Variants in NBEAL1 observed in about 807,000 individuals in gnomAD.
The protein encoded by NBEAL1 is neurobeachin like 1.
A neutral mutation model predicts 351.3 loss-of-function variants in NBEAL1; 273 were observed. The observed-to-expected ratio is 0.78, with a 90% CI of 0.70 to 0.86. NBEAL1 has a LOEUF of 0.86. Ranked by LOEUF, NBEAL1 falls within the 40% of genes least tolerant of loss-of-function variation. The pLI is 0.00. For synonymous variants in NBEAL1, 1,050 were observed against 1,086.4 expected, an observed-to-expected ratio of 0.97 and a Z score of 0.66; for missense variants, 2,961 against 3,201.3, an observed-to-expected ratio of 0.92 and a Z score of 1.81.
Position 203,107,807 on chromosome 2 carries a change from T to C in NBEAL1, c.1568T>C (p.Ile523Thr), listed in dbSNP as rs1048255941. 7 of 1,554,444 alleles carry C rather than the reference T, an allele frequency of 4.5e-6. No homozygotes were observed. Among genetic ancestry groups the C allele is most frequent in the Admixed American group, 3.9e-5 (2 of 51,016 alleles). ...CVNANMGIRI[I>T]ETLDLHSSLH... The stretch of plus-strand genomic sequence containing the variant: ...AATGCAAACATGGGGATTAGAATCA[T>C]TGAAACCCTTGACTTGCATTCTTCC... Residue 523 changes from isoleucine to threonine, a missense_variant, in exon 14 of 56, where the codon ATT becomes ACT. Physicochemically the swap from Ile to Thr is moderately conservative, Grantham distance 89 (BLOSUM62 -1). Transcript: ENST00000683969.
At chr2:203,154,904 C>T (rs2063757179) in intron 35 of NBEAL1, among the ~76,000 whole-genome samples, 1 of 137,644 alleles carries the variant, frequency 7.3e-6, no homozygotes, top group Admixed American at 8.0e-5. Flanking sequence ...CACTGCACTC[C>T]AGCCTGGGCA....
intron 36 of NBEAL1, among the ~76,000 whole-genome samples, chr2:203,165,505 A>G (rs1334276137): frequency 1.3e-5 from 2 of 152,214 alleles, no homozygotes; most frequent in East Asian, 3.8e-4. Flanking sequence ...CTCCCAGAAT[A>G]TAACTAAAAT....
chr2:203,110,314 AGT>A (rs1387474897), intron 15 of NBEAL1, 32 bp downstream of exon 15: 1 of 1,533,280 alleles, frequency 6.5e-7, no homozygotes, highest in Admixed American at 2.2e-5. Context: ...TTTAACTTCT[AGT>A]ATGGTTAATG....
chr2:203,155,247 C>CAA (rs71226711), intron 35 of NBEAL1, among the ~76,000 whole-genome samples: 37,101 of 137,850 alleles, frequency 0.27, 5,382 homozygotes, highest in East Asian at 0.52. Flanking sequence ...AACCCTCTCT[C>CAA]AAAAAAAAAA....
intron 27 of NBEAL1, among the ~76,000 whole-genome samples, chr2:203,134,551 G>A (rs2063153820): frequency 6.6e-6 from 1 of 152,156 alleles, no homozygotes; most frequent in Non-Finnish European, 1.5e-5. Context: ...AATTGTCAGA[G>A]CTAAAACTTC....
At chr2:203,100,909 C>G (rs1290496879) in intron 12 of NBEAL1, among the ~76,000 whole-genome samples, 1 of 152,018 alleles carries the variant, frequency 6.6e-6, no homozygotes, top group East Asian at 1.9e-4. Flanking sequence ...GGGTTATTTG[C>G]TTTTACTTGT....
chr2:203,176,741 A>AAG (rs981838776), intron 42 of NBEAL1, among the ~76,000 whole-genome samples: 1 of 151,938 alleles, frequency 6.6e-6, no homozygotes, highest in African/African-American at 2.4e-5. Flanking sequence ...AAAAAAAAAA[A>AAG]AAATGCAATA....
In NBEAL1 at chr2:203,111,999, C is replaced by T. The variant is rs915071514; in HGVS notation, c.2103C>T (p.His701=). The change falls in exon 16 of 56, where the codon CAC becomes CAT. Residue 701 remains histidine (H), a synonymous_variant. Coordinates refer to ENST00000683969, the MANE Select transcript of NBEAL1 (RefSeq NM_001378026.1). ...ACCAGCACAACATAACTGTTGTCCA[C>T]ATGCCTGGAAAAAGGCCTTTTGGTC... The part of the protein sequence containing the change: ...DSLWHNITVV[H]MPGKRPFGQS... 29 of 1,551,362 alleles carry T rather than the reference C, an allele frequency of 1.9e-5. No homozygotes were observed. In the Admixed American group the frequency reaches 4.5e-4, roughly 24 times the overall value.
At position 203,132,011 on chromosome 2, in the gene NBEAL1, G is replaced by A. The variant is rs150511473; in HGVS notation, c.3603G>A (p.Glu1201=). 905 of 1,552,540 alleles carry A rather than the reference G, an allele frequency of 5.8e-4. 6 individuals carry two copies. In the African/African-American group the frequency reaches 0.011, roughly 19 times the overall value. Residue 1201 remains glutamate (E), a synonymous_variant, in exon 26 of 56, where the codon GAG becomes GAA. Transcript: ENST00000683969. Reference sequence around the variant, plus strand: ...TGTTGAAATGCACGAACGTTTATGAGCGTAGTAAACAACATATTCGACTCA... The same window carrying A: ...TGTTGAAATGCACGAACGTTTATGAACGTAGTAAACAACATATTCGACTCA... ...EQMLKCTNVY[E]RSKQHIRLRE...
chr2:203,031,009 C>T (rs543820985), intron 2 of NBEAL1, among the ~76,000 whole-genome samples: 141 of 152,264 alleles, frequency 9.3e-4, no homozygotes, highest in Non-Finnish European at 1.8e-3. Context: ...CTATATATCA[C>T]GGAATCTGAA....
At chr2:203,117,247 G>A (rs1235302089) in intron 18 of NBEAL1, among the ~76,000 whole-genome samples, 1 of 152,134 alleles carries the variant, frequency 6.6e-6, no homozygotes, top group African/African-American at 2.4e-5. Context: ...GGCGGATCAC[G>A]AGGTTAGGAG....
rs1434019425 is a variant in NBEAL1 at position 203,057,640 on chromosome 2, A to G, written c.515+187A>G. On this transcript the variant is annotated intron_variant, in intron 6 of 55. Transcript: ENST00000683969. Reference sequence around the variant, plus strand: ...ATAAATTCTGCTTCTGAATAATTACATATGCCCTGAACTTGTATTTTGCAA... The same window carrying G: ...ATAAATTCTGCTTCTGAATAATTACGTATGCCCTGAACTTGTATTTTGCAA... Among the ~76,000 whole-genome samples, 5 of 152,226 alleles carry G rather than the reference A, an allele frequency of 3.3e-5. No individual in the cohort carries two copies. In the South Asian group the frequency reaches 8.3e-4, roughly 25 times the overall value.
At chr2:203,191,851 T>C (rs1031696782) in intron 46 of NBEAL1, among the ~76,000 whole-genome samples, 1 of 152,216 alleles carries the variant, frequency 6.6e-6, no homozygotes, top group African/African-American at 2.4e-5. Flanking sequence ...AACATGTTCT[T>C]ATGGGCCTTT....
chr2:203,108,291 A>G, intron 14 of NBEAL1, 103 bp downstream of exon 14: 1 of 856,156 alleles, frequency 1.2e-6, no homozygotes, highest in Non-Finnish European at 1.8e-6. Flanking sequence ...TTTTAGATAT[A>G]CAGCTTATCT....
intron 34 of NBEAL1, among the ~76,000 whole-genome samples, chr2:203,150,726 C>T (rs148235925): frequency 4.4e-4 from 67 of 152,142 alleles, no homozygotes; most frequent in African/African-American, 1.3e-3. Flanking sequence ...CTTTGATTCA[C>T]TTGCAATTAT....
chr2:203,038,096 A>G (rs1237097233), intron 2 of NBEAL1, among the ~76,000 whole-genome samples: 1 of 149,326 alleles, frequency 6.7e-6, no homozygotes, highest in Non-Finnish European at 1.5e-5. Context: ...TATTCCTGGA[A>G]TAGTATTCCA....
At chr2:203,047,741 ATTT>A (rs199901981) in intron 3 of NBEAL1, among the ~76,000 whole-genome samples, 54,767 of 129,516 alleles carry the variant, frequency 0.42, 12,277 homozygotes, top group Middle Eastern at 0.61. Flanking sequence ...ATTTCTTTCT[ATTT>A]TTTTTTTTTT....
chr2:203,145,869 G>A (rs1160431460), intron 33 of NBEAL1, among the ~76,000 whole-genome samples: 1 of 150,474 alleles, frequency 6.6e-6, no homozygotes, highest in Non-Finnish European at 1.5e-5. Context: ...GCAAAAGTAA[G>A]GAATGAGTAA....
Position 203,202,692 on chromosome 2 carries a change from G to T in NBEAL1, c.7417G>T (p.Val2473Leu). ...ISHIIRHMDI[V>L]TCLATDYCGI... ...TTTAATTCCTTTTCTTACAGATATT[G>T]TGACTTGCTTAGCTACAGATTACTG... The change falls in exon 51 of 56, where the codon GTG becomes TTG. Residue 2473 changes from valine (V) to leucine (L), a missense_variant. By Grantham distance (32) the Val-to-Leu change is conservative. Coordinates refer to ENST00000683969, the MANE Select transcript of NBEAL1 (RefSeq NM_001378026.1). 6.4e-7 allele frequency: 1 copy of T among 1,572,170 alleles called. No individual in the cohort carries two copies. Among genetic ancestry groups the T allele is most frequent in the Non-Finnish European group, 8.8e-7 (1 of 1,142,656 alleles).
Sources: allele counts gnomAD v4.1 joint callset (sites outside exome capture counted in the v4.1 genomes callset), GRCh38; gene constraint gnomAD v4.1.1; transcripts MANE v1.5; gene names NCBI Gene and HGNC (gene_info 2026-07-23, HGNC 2026-07-21).